Variants in TRAPPC9 observed in about 807,000 individuals in gnomAD.
TRAPPC9 encodes trafficking protein particle complex subunit 9.
TRAPPC9 carries 83 observed loss-of-function variants against 124.0 expected under a neutral mutation model. The observed-to-expected ratio is 0.67, with a 90% CI of 0.56 to 0.80. The LOEUF (loss-of-function observed/expected upper bound fraction) is 0.80. Among genes scored for constraint, TRAPPC9 ranks in the 30% least tolerant of loss-of-function variants. The probability of loss-of-function intolerance (pLI) is 0.00; values close to 1 mark genes in which losing one functional copy is unlikely to be tolerated. For synonymous variants in TRAPPC9, 638 were observed against 617.5 expected, an observed-to-expected ratio of 1.03 and a Z score of -0.49; for missense variants, 1,302 against 1,508.3, an observed-to-expected ratio of 0.86 and a Z score of 2.27.
chr8:140,233,623 C>CCACACACA (rs35452775), intron 16 of TRAPPC9, among the ~76,000 whole-genome samples: 1,272 of 90,850 alleles, frequency 0.014, 44 homozygotes, highest in African/African-American at 0.049. Flanking sequence ...TCTCTCCCCA[C>CCACACACA]CACACACACA....
intron 21 of TRAPPC9, among the ~76,000 whole-genome samples, chr8:139,786,081 G>T (rs565856386): frequency 6.6e-6 from 1 of 151,894 alleles, no homozygotes; most frequent in Non-Finnish European, 1.5e-5. Flanking sequence ...GGTGGCGGGC[G>T]CCTGTAATTC....
rs1817731116 is a variant in TRAPPC9 at position 139,730,151 on chromosome 8, T to G, written c.*910A>C. ...TGGTGATCTCCCTCCCCTGCAGGCC[T>G]CCTTCCACCTCCCAGACAAGCTGCT... On this transcript the variant is annotated 3_prime_UTR_variant, in exon 23 of 23. Transcript: ENST00000438773. Among the ~76,000 whole-genome samples the G allele has an allele frequency of 6.6e-6, 1 of 152,184 alleles. No homozygotes were observed. Among genetic ancestry groups the G allele is most frequent in the Admixed American group, 6.5e-5 (1 of 15,284 alleles).
intron 18 of TRAPPC9, among the ~76,000 whole-genome samples, chr8:140,022,195 C>G (rs189780493): frequency 2.0e-5 from 3 of 152,316 alleles, no homozygotes; most frequent in Admixed American, 1.3e-4. Context: ...TGGGGCAACT[C>G]TCTCTACAGT....
chr8:140,252,595 T>G lies in TRAPPC9; in HGVS notation c.2431+182A>C, dbSNP rs1274206113. 3.2e-6 allele frequency: 2 copies of G among 619,930 alleles called. No individual in the cohort carries two copies. The highest frequency in any genetic ancestry group is 5.6e-6 in the Non-Finnish European group (2 of 356,442). 38.4% of individuals were successfully genotyped at this position (619,930 alleles called of 1,614,324 possible). A position where few individuals can be genotyped will look rare whatever the true frequency, so the allele number is the denominator to read the frequency against. Reference sequence around the variant, plus strand: ...ATCATTTAGATAAAAAGTACTTTTATTACTTTCAGACACATACAGTAACAC... The same window carrying G: ...ATCATTTAGATAAAAAGTACTTTTAGTACTTTCAGACACATACAGTAACAC... On this transcript the variant is annotated intron_variant, in intron 16 of 22. Coordinates refer to ENST00000438773, the MANE Select transcript of TRAPPC9 (RefSeq NM_001160372.4). The surrounding 1 kb of genome is among the most constrained non-coding windows in gnomAD (Gnocchi z 4.2).
chr8:139,812,281 G>T (rs1295365286), intron 21 of TRAPPC9, among the ~76,000 whole-genome samples: 1 of 152,214 alleles, frequency 6.6e-6, no homozygotes, highest in Non-Finnish European at 1.5e-5. Flanking sequence ...TGGCTTAGCT[G>T]TGAAAAACAA....
At chr8:140,456,495 C>T (rs1015713204) in intron 1 of TRAPPC9, among the ~76,000 whole-genome samples, 1 of 151,874 alleles carries the variant, frequency 6.6e-6, no homozygotes, top group Non-Finnish European at 1.5e-5. Flanking sequence ...CTCAATGAAG[C>T]TGTTATTTTT....
chr8:140,371,465 CAAAAG>C (rs563315340), intron 7 of TRAPPC9, among the ~76,000 whole-genome samples: 32 of 152,234 alleles, frequency 2.1e-4, no homozygotes, highest in African/African-American at 6.7e-4. Context: ...AGTTCCTTCA[CAAAAG>C]AAAAGAAAAG....
At chr8:140,215,932 G>T (rs1417102348) in intron 17 of TRAPPC9, 1 of 152,228 alleles carries the variant, frequency 6.6e-6, no homozygotes, top group African/African-American at 2.4e-5. Context: ...GGCAGACGGG[G>T]GTCGCAAGGC....
intron 18 of TRAPPC9, among the ~76,000 whole-genome samples, chr8:139,998,240 A>G (rs1838167391): frequency 6.6e-6 from 1 of 152,270 alleles, no homozygotes; most frequent in Non-Finnish European, 1.5e-5. Context: ...AAAAGTAAAG[A>G]CATTCTCAGA....
upstream of TRAPPC9, chr8:140,458,463 C>T: frequency 1.3e-6 from 2 of 1,572,550 alleles, no homozygotes; most frequent in Non-Finnish European, 1.7e-6. Context: ...CCTGGGAGCG[C>T]CTCCAGGATC....
chr8:140,194,024 A>G (rs1239645524), intron 17 of TRAPPC9, among the ~76,000 whole-genome samples: 1 of 152,210 alleles, frequency 6.6e-6, no homozygotes, highest in African/African-American at 2.4e-5. Context: ...TGGAGCCACA[A>G]ATTCTAATCC....
intron 16 of TRAPPC9, among the ~76,000 whole-genome samples, chr8:140,223,225 G>A (rs2063377509): frequency 2.0e-5 from 3 of 152,136 alleles, no homozygotes; most frequent in Admixed American, 2.0e-4. Flanking sequence ...CTGTGTCCAT[G>A]TGTTCTCATT....
intron 5 of TRAPPC9, among the ~76,000 whole-genome samples, chr8:140,420,891 A>G (rs1217838161): frequency 1.3e-5 from 2 of 152,240 alleles, no homozygotes; most frequent in African/African-American, 4.8e-5. Flanking sequence ...AAACAAAGGG[A>G]AAATCACATT....
intron 7 of TRAPPC9, among the ~76,000 whole-genome samples, chr8:140,377,297 T>C (rs1183765469): frequency 6.6e-6 from 1 of 152,144 alleles, no homozygotes; most frequent in Non-Finnish European, 1.5e-5. Context: ...AGTTTCTTTT[T>C]TTTTTCTTCT....
At chr8:139,843,872 C>T (rs1240253616) in intron 21 of TRAPPC9, among the ~76,000 whole-genome samples, 1 of 152,224 alleles carries the variant, frequency 6.6e-6, no homozygotes, top group East Asian at 1.9e-4. Context: ...TTTAAGCCAC[C>T]ATGTGCACGC....
At chr8:140,379,600 C>T (rs531736690) in intron 7 of TRAPPC9, among the ~76,000 whole-genome samples, 1 of 152,204 alleles carries the variant, frequency 6.6e-6, no homozygotes, top group Admixed American at 6.5e-5. Flanking sequence ...AATCACTTGT[C>T]CCCATATATT....
Position 140,252,493 on chromosome 8 carries a change from G to T in TRAPPC9, c.2431+284C>A. 2.4e-5 allele frequency: 9 copies of T among 369,850 alleles called. No homozygotes were observed. The highest frequency in any genetic ancestry group is 4.1e-5 in the African/African-American group (2 of 48,460). The allele number at this position is 369,850 out of a possible 1,614,324, so 22.9% of individuals were successfully genotyped here. A position where few individuals can be genotyped will look rare whatever the true frequency, so the allele number is the denominator to read the frequency against. ...TCACAGCAGTTATACTTGAAAAAAC[G>T]CAGTAATTCCTACATTCCACTAATT... On this transcript the variant is annotated intron_variant, in intron 16 of 22. Transcript: ENST00000438773. This position sits in a 1 kb window ranked among gnomAD's most constrained non-coding sequence, Gnocchi z 4.2.
At chr8:140,209,747 A>T (rs2131237301) in intron 17 of TRAPPC9, among the ~76,000 whole-genome samples, 1 of 152,370 alleles carries the variant, frequency 6.6e-6, no homozygotes, top group Non-Finnish European at 1.5e-5. Flanking sequence ...TGCATTTCAC[A>T]GATTGGAAAC....
At chr8:140,393,487 AC>A (rs965423950) in intron 7 of TRAPPC9, among the ~76,000 whole-genome samples, 1 of 152,214 alleles carries the variant, frequency 6.6e-6, no homozygotes, top group African/African-American at 2.4e-5. Flanking sequence ...ATTATCATAA[AC>A]CATTCACCTA....
Sources: gnomAD v4.1 joint callset for allele counts (sites outside exome capture counted in the v4.1 genomes callset) on GRCh38, gnomAD v4.1.1 for gene constraint, Gnocchi (gnomAD v3.1) non-coding constraint, MANE v1.5 for transcripts, NCBI Gene and HGNC (gene_info 2026-07-23, HGNC 2026-07-21) for gene names.